The following BRF1 variants were observed in gnomAD, a reference collection of about 807,000 sequenced individuals.
BRF1 encodes transcription factor IIIB 90 kDa subunit.
Under a neutral mutation model 81.7 loss-of-function variants are expected in BRF1, and 59 were observed. That is an observed-to-expected ratio of 0.72 (90% confidence interval 0.59 to 0.90). The LOEUF is 0.90. Ranked by LOEUF, BRF1 falls within the 40% of genes least tolerant of loss-of-function variation. BRF1 has a pLI of 0.00. For synonymous variants in BRF1, 491 were observed against 395.6 expected (o/e 1.24, Z -2.86); for missense variants, 1,050 against 936.3 (o/e 1.12, Z -1.58).
At chr14:105,257,947 C>T (rs1252134693) in intron 3 of BRF1, among the ~76,000 whole-genome samples, 2 of 152,184 alleles carry the variant, frequency 1.3e-5, no homozygotes, top group African/African-American at 2.4e-5. Context: ...TGCACCACTC[C>T]GCACTGGTGG....
In BRF1 at chr14:105,210,459, G is replaced by A. The variant is rs1889931924; in HGVS notation, c.*92C>T. On this transcript the variant is annotated 3_prime_UTR_variant, in exon 18 of 18. Transcript: ENST00000547530. This position sits in a 1 kb window ranked among gnomAD's most constrained non-coding sequence, Gnocchi z 4.7. ...CCTGTCACCAGGAGTCTCGGCGCTG[G>A]GGCCTGCCTGCTGCGGTCCTGGAAG... 2 of 1,466,098 alleles carry A rather than the reference G, an allele frequency of 1.4e-6. No homozygotes were observed. Among genetic ancestry groups the A allele is most frequent in the East Asian group, 2.4e-5 (1 of 42,118 alleles). 90.8% of individuals were successfully genotyped at this position (1,466,098 alleles called of 1,614,324 possible). A position where few individuals can be genotyped will look rare whatever the true frequency, so the allele number is the denominator to read the frequency against.
At chr14:105,296,768 C>CAT (rs1036080316) in intron 1 of BRF1, among the ~76,000 whole-genome samples, 2 of 151,282 alleles carry the variant, frequency 1.3e-5, no homozygotes, top group African/African-American at 4.8e-5. Context: ...AGAAATCAAC[C>CAT]ATATTTATAT....
chr14:105,227,055 G>GT, intron 7 of BRF1: 1 of 349,356 alleles, frequency 2.9e-6, no homozygotes, highest in Admixed American at 4.8e-5. Context: ...GGTTGAGGCT[G>GT]TAACGAGCTG....
Position 105,289,642 on chromosome 14 carries a change from C to CT in BRF1, c.185-3267dup, listed in dbSNP as rs796706677. Reference sequence around the variant, plus strand: ...CTTTGTTTTGTGAGCAGTGTGTATTCTTTTTTTTTTTGAGACGGAGTCTCG... The same window carrying CT: ...CTTTGTTTTGTGAGCAGTGTGTATTCTTTTTTTTTTTTGAGACGGAGTCTCG... On this transcript the variant is annotated intron_variant, in intron 1 of 17. Coordinates refer to ENST00000547530, the MANE Select transcript of BRF1 (RefSeq NM_001519.4). 1.2e-3 allele frequency among the ~76,000 whole-genome samples: 185 copies of CT among 148,378 alleles called. 3 individuals carry two copies. Among genetic ancestry groups the CT allele is most frequent in the East Asian group, 0.011 (57 of 5,118 alleles).
intron 2 of BRF1, among the ~76,000 whole-genome samples, chr14:105,274,347 C>T (rs2140416815): frequency 6.6e-6 from 1 of 152,292 alleles, no homozygotes; most frequent in East Asian, 1.9e-4. Flanking sequence ...CCTTGGTATG[C>T]TGAGTGCCGG....
intron 3 of BRF1, among the ~76,000 whole-genome samples, chr14:105,272,470 C>T (rs914856883): frequency 6.6e-6 from 1 of 152,246 alleles, no homozygotes; most frequent in Non-Finnish European, 1.5e-5. Flanking sequence ...CAGGCACCGA[C>T]AGAACCCTCG....
At chr14:105,306,027 T>A (rs2058178117) in intron 1 of BRF1, among the ~76,000 whole-genome samples, 1 of 152,190 alleles carries the variant, frequency 6.6e-6, no homozygotes, top group Non-Finnish European at 1.5e-5. Context: ...GGGCCCAGGC[T>A]GGGGGTGTGG....
intron 1 of BRF1, among the ~76,000 whole-genome samples, chr14:105,292,310 A>G (rs1160940418): frequency 6.6e-6 from 1 of 152,044 alleles, no homozygotes; most frequent in Non-Finnish European, 1.5e-5. Flanking sequence ...CAGTCTCCCA[A>G]GTAGCTGGGA....
At chr14:105,265,045 C>CTTTTTTTTTTTTT (rs587772604) in intron 3 of BRF1, among the ~76,000 whole-genome samples, 1 of 135,176 alleles carries the variant, frequency 7.4e-6, no homozygotes, top group African/African-American at 2.7e-5. Context: ...TCTACTTATC[C>CTTTTTTTTTTTTT]TTTTTTTTGT....
intron 2 of BRF1, among the ~76,000 whole-genome samples, chr14:105,278,595 T>G (rs1423447578): frequency 6.6e-6 from 1 of 152,052 alleles, no homozygotes; most frequent in African/African-American, 2.4e-5. Context: ...ACTGATATAC[T>G]GGGACTTCAT....
intron 1 of BRF1, among the ~76,000 whole-genome samples, chr14:105,286,881 C>T (rs2057334390): frequency 6.6e-6 from 1 of 152,262 alleles, no homozygotes; most frequent in East Asian, 1.9e-4. Flanking sequence ...ACCTCCAAAC[C>T]TCTGCAAGTG....
chr14:105,241,763 C>G, intron 5 of BRF1: 1 of 312,886 alleles, frequency 3.2e-6, no homozygotes, highest in Non-Finnish European at 6.3e-6. Flanking sequence ...AACAACGGTC[C>G]GGGGACTCTT....
At chr14:105,212,850 A>C (rs1282116391) in intron 15 of BRF1, 1 of 152,238 alleles carries the variant, frequency 6.6e-6, no homozygotes, top group African/African-American at 2.4e-5. Context: ...AGGGGGCCTG[A>C]GGCAGGGCCC....
intron 6 of BRF1, among the ~76,000 whole-genome samples, chr14:105,229,330 G>T (rs965088895): frequency 6.6e-6 from 1 of 152,190 alleles, no homozygotes; most frequent in Non-Finnish European, 1.5e-5. Flanking sequence ...GCCACAGTGG[G>T]CCCAGAACCT....
At chr14:105,293,985 G>A (rs1316421128) in intron 1 of BRF1, among the ~76,000 whole-genome samples, 1 of 152,266 alleles carries the variant, frequency 6.6e-6, no homozygotes, top group Non-Finnish European at 1.5e-5. Flanking sequence ...AGATGAAGCT[G>A]GAGGAAGGGG....
intron 14 of BRF1, 95 bp from the exon 15 acceptor site, chr14:105,217,895 A>G (rs1891596462): frequency 3.2e-6 from 5 of 1,542,866 alleles, no homozygotes; most frequent in Admixed American, 3.5e-5. Context: ...CAGGCGGGTG[A>G]GGCCTGGCTC....
chr14:105,295,142 A>G (rs149082095), intron 1 of BRF1, among the ~76,000 whole-genome samples: 1 of 152,072 alleles, frequency 6.6e-6, no homozygotes, highest in African/African-American at 2.4e-5. Flanking sequence ...ACAGGCCAAT[A>G]TCCCACGCAA....
At chr14:105,273,528 A>T (rs2056751091) in intron 2 of BRF1, among the ~76,000 whole-genome samples, 1 of 150,420 alleles carries the variant, frequency 6.6e-6, no homozygotes. Context: ...GGAAGACATA[A>T]GAGACTCCAT....
chr14:105,281,311 G>A (rs1377402492), intron 2 of BRF1, among the ~76,000 whole-genome samples: 1 of 145,094 alleles, frequency 6.9e-6, no homozygotes, highest in Non-Finnish European at 1.5e-5. Flanking sequence ...CTGAGCCCGG[G>A]TGTGTGGATA....
Sources: gnomAD v4.1 joint callset for allele counts (sites outside exome capture counted in the v4.1 genomes callset) on GRCh38, gnomAD v4.1.1 for gene constraint, Gnocchi (gnomAD v3.1) non-coding constraint, MANE v1.5 for transcripts, NCBI Gene and HGNC (gene_info 2026-07-23, HGNC 2026-07-21) for gene names.